COL4A6: variants seen among roughly 807,000 people sequenced by gnomAD.
COL4A6 encodes collagen type IV alpha 6 chain.
COL4A6 carries 59 observed loss-of-function variants against 126.7 expected under a neutral mutation model. That is an observed-to-expected ratio of 0.47 (90% confidence interval 0.38 to 0.58). The LOEUF (loss-of-function observed/expected upper bound fraction) is 0.58. Ranked by LOEUF, COL4A6 falls within the 20% of genes least tolerant of loss-of-function variation. The pLI is 0.00. For synonymous variants in COL4A6, 547 were observed against 496.6 expected (o/e 1.10, Z -1.35); for missense variants, 1,285 against 1,337.3 (o/e 0.96, Z 0.61).
chrX:108,278,329 G>C (rs1473226248), intron 3 of COL4A6, among the ~76,000 whole-genome samples: 1 of 112,195 alleles, frequency 8.9e-6, no homozygotes, highest in Non-Finnish European at 1.9e-5. Flanking sequence ...CAAGGCTCAA[G>C]AACTACATGA....
intron 2 of COL4A6, among the ~76,000 whole-genome samples, chrX:108,436,625 A>C (rs917685515): frequency 8.9e-6 from 1 of 112,555 alleles, no homozygotes; most frequent in African/African-American, 3.2e-5. Flanking sequence ...TACATAACTA[A>C]ACTTGTATAT....
chrX:108,197,112 G>A (rs1602777650), intron 13 of COL4A6, among the ~76,000 whole-genome samples: 2 of 111,563 alleles, frequency 1.8e-5, no homozygotes. Context: ...CCTTTTCAGT[G>A]GTAAGAAGTA....
intron 8 of COL4A6, among the ~76,000 whole-genome samples, chrX:108,207,830 A>G (rs1025965297): frequency 1.8e-5 from 2 of 110,880 alleles, no homozygotes; most frequent in Non-Finnish European, 3.8e-5. Flanking sequence ...TATACGAGGG[A>G]TTTGTGCATT....
At chrX:108,281,445 G>C (rs2037824058) in intron 3 of COL4A6, among the ~76,000 whole-genome samples, 1 of 98,763 alleles carries the variant, frequency 1.0e-5, no homozygotes, top group African/African-American at 3.7e-5. Context: ...CAAGGGATGT[G>C]AAGGACCTCT....
intron 44 of COL4A6, among the ~76,000 whole-genome samples, chrX:108,159,195 C>T (rs1385461286): frequency 2.7e-5 from 3 of 111,777 alleles, no homozygotes; most frequent in Admixed American, 9.4e-5. Context: ...ATAACTGAAG[C>T]GGGCATGGAG....
intron 3 of COL4A6, among the ~76,000 whole-genome samples, chrX:108,231,035 C>T (rs1014066739): frequency 9.0e-6 from 1 of 111,504 alleles, no homozygotes; most frequent in African/African-American, 3.3e-5. Flanking sequence ...ATAATGTTAA[C>T]ATCACCTACA....
Position 108,180,632 on chromosome X carries a change from C to A in COL4A6, c.2024-10G>T. On this transcript the variant is annotated splice_polypyrimidine_tract_variant and intron_variant, in intron 24 of 44. Coordinates refer to ENST00000334504, the MANE Select transcript of COL4A6 (RefSeq NM_033641.4). ...CGAGACCCTTTAGGGCCTGAAAACC[C>A]AAATGTAAGCAATGAGGGGAAAGGA... 8.8e-7 allele frequency: 1 copy of A among 1,133,005 alleles called. No homozygotes were observed. Among genetic ancestry groups the A allele is most frequent in the Non-Finnish European group, 1.2e-6 (1 of 842,551 alleles). The allele number at this position is 1,133,005 out of a possible 1,213,427, so 93.4% of individuals were successfully genotyped here.
intron 14 of COL4A6, 116 bp from the exon 15 acceptor site, chrX:108,195,242 G>A: frequency 3.7e-6 from 2 of 541,745 alleles, no homozygotes; most frequent in Non-Finnish European, 6.1e-6. Context: ...CCTAAAATCA[G>A]GTAAGCGAAT....
At chrX:108,401,490 T>A (rs1314495617) in intron 2 of COL4A6, among the ~76,000 whole-genome samples, 1 of 110,883 alleles carries the variant, frequency 9.0e-6, no homozygotes, top group Non-Finnish European at 1.9e-5. Flanking sequence ...TAGCATAATA[T>A]GTACAGTATG....
At chrX:108,395,324 T>G (rs1465117376) in intron 2 of COL4A6, among the ~76,000 whole-genome samples, 2 of 111,968 alleles carry the variant, frequency 1.8e-5, no homozygotes, top group Middle Eastern at 4.2e-3. Context: ...CTTATCAGTT[T>G]GAGGGTTTAT....
chrX:108,165,234 C>T (rs182434004), intron 38 of COL4A6, 136 bp downstream of exon 38: 31 of 751,013 alleles, frequency 4.1e-5, no homozygotes, highest in Non-Finnish European at 5.8e-5. Flanking sequence ...CCTGTGTCCC[C>T]ACTCGGGGAG....
Position 108,174,435 on chromosome X carries a change from C to A in COL4A6, c.3138+5G>T. ...GTATAAAGACAAAGATCTGGTCACA[C>A]TTACACTTTCTCCTGGCATTCCTGG... is the stretch of plus-strand genomic sequence containing the variant. On this transcript the variant is annotated splice_donor_5th_base_variant and intron_variant, in intron 31 of 44. Transcript: ENST00000334504. The A allele has an allele frequency of 8.3e-7, 1 of 1,210,506 alleles. No homozygotes were observed. The highest frequency in any genetic ancestry group is 1.1e-6 in the Non-Finnish European group (1 of 894,785).
intron 2 of COL4A6, among the ~76,000 whole-genome samples, chrX:108,391,333 G>A (rs2040833696): frequency 8.9e-6 from 1 of 111,828 alleles, no homozygotes; most frequent in Non-Finnish European, 1.9e-5. Flanking sequence ...CCAGGGAGAT[G>A]GGGGTTTTAT....
intron 2 of COL4A6, among the ~76,000 whole-genome samples, chrX:108,381,143 T>C (rs772155278): frequency 8.9e-6 from 1 of 112,030 alleles, no homozygotes; most frequent in Non-Finnish European, 1.9e-5. Flanking sequence ...ATTTATTATC[T>C]TCTATTTGTT....
At chrX:108,195,892 A>G (rs1000167195) in intron 14 of COL4A6, among the ~76,000 whole-genome samples, 1 of 112,042 alleles carries the variant, frequency 8.9e-6, no homozygotes. Context: ...ACTAAACTTC[A>G]TAGTCAACTT....
At position 108,363,660 on chromosome X, in the gene COL4A6, G is replaced by C. The variant is rs372660292; in HGVS notation, c.64-52832C>G. Among the ~76,000 whole-genome samples, 5 of 111,867 alleles carry C rather than the reference G, an allele frequency of 4.5e-5. No individual in the cohort carries two copies. In the East Asian group the frequency reaches 8.5e-4, roughly 19 times the overall value. ...TGCCTTCACTTTCCAGAAACTCACAGGCCTGCTACCTGTAAAGGGGGATTT... is the reference window on the plus strand; with the variant it reads ...TGCCTTCACTTTCCAGAAACTCACACGCCTGCTACCTGTAAAGGGGGATTT... On this transcript the variant is annotated intron_variant, in intron 2 of 44. Transcript: ENST00000334504.
At chrX:108,314,495 T>C (rs756133181) in intron 2 of COL4A6, among the ~76,000 whole-genome samples, 2 of 112,165 alleles carry the variant, frequency 1.8e-5, no homozygotes, top group South Asian at 7.5e-4. Flanking sequence ...CTCATGTTGT[T>C]ATGGGAGAGT....
chrX:108,276,479 C>T (rs1489365822), intron 3 of COL4A6, among the ~76,000 whole-genome samples: 1 of 112,587 alleles, frequency 8.9e-6, no homozygotes, highest in Non-Finnish European at 1.9e-5. Context: ...GTATTAAGTT[C>T]TACCATTTAT....
intron 2 of COL4A6, among the ~76,000 whole-genome samples, chrX:108,391,726 A>C (rs60230070): frequency 9.0e-6 from 1 of 111,671 alleles, no homozygotes; most frequent in South Asian, 3.8e-4. Flanking sequence ...TGTTTTTCCC[A>C]GTACAGTCTC....
Sources: allele counts gnomAD v4.1 joint callset (sites outside exome capture counted in the v4.1 genomes callset), GRCh38; gene constraint gnomAD v4.1.1; transcripts MANE v1.5; gene names NCBI Gene and HGNC (gene_info 2026-07-23, HGNC 2026-07-21).